Variants in RTN4RL1 observed in about 807,000 individuals in gnomAD.
RTN4RL1 encodes the protein reticulon 4 receptor like 1.
A neutral mutation model predicts 25.6 loss-of-function variants in RTN4RL1; 7 were observed. The observed-to-expected ratio is 0.27, with a 90% CI of 0.16 to 0.51. The LOEUF is 0.51. RTN4RL1 is among the 20% of genes least tolerant of loss of function. The pLI is 0.97. For synonymous variants in RTN4RL1, 297 were observed against 288.2 expected (o/e 1.03, Z -0.31); for missense variants, 500 against 615.6 (o/e 0.81, Z 1.99).
At chr17:2,006,842 T>C (rs752466141) in intron 1 of RTN4RL1, among the ~76,000 whole-genome samples, 7 of 152,006 alleles carry the variant, frequency 4.6e-5, no homozygotes, top group Non-Finnish European at 1.0e-4. Flanking sequence ...TGGCTGGTCT[T>C]GAACTCCTGG....
chr17:1,943,091 G>T (rs1404116885), intron 1 of RTN4RL1, among the ~76,000 whole-genome samples: 1 of 152,160 alleles, frequency 6.6e-6, no homozygotes, highest in African/African-American at 2.4e-5. Flanking sequence ...GCACTCTGCA[G>T]CTTCCCGGCC....
intron 1 of RTN4RL1, among the ~76,000 whole-genome samples, chr17:1,984,229 A>T (rs1184797425): frequency 6.6e-6 from 1 of 152,156 alleles, no homozygotes; most frequent in Non-Finnish European, 1.5e-5. Flanking sequence ...GGGCCTGTGG[A>T]TGCCTGAGGC....
chr17:1,992,064 T>A (rs538291595), intron 1 of RTN4RL1, among the ~76,000 whole-genome samples: 1 of 142,064 alleles, frequency 7.0e-6, no homozygotes, highest in South Asian at 2.2e-4. Flanking sequence ...TTGGACTGCA[T>A]GCAGAAAAAG....
intron 1 of RTN4RL1, among the ~76,000 whole-genome samples, chr17:1,956,554 CT>C (rs1401588280): frequency 6.6e-6 from 1 of 152,146 alleles, no homozygotes; most frequent in African/African-American, 2.4e-5. Flanking sequence ...TGTTTAGAGA[CT>C]GCAGAGTATC....
chr17:1,998,781 T>TG lies in RTN4RL1; in HGVS notation c.13+26071dup, dbSNP rs930356721. Among the ~76,000 whole-genome samples, 13 of 48,318 alleles carry TG rather than the reference T, an allele frequency of 2.7e-4. No individual in the cohort carries two copies. Among genetic ancestry groups the TG allele is most frequent in the Non-Finnish European group, 6.3e-4 (13 of 20,576 alleles). 31.7% of individuals were successfully genotyped at this position (48,318 alleles called of 152,430 possible). On this transcript the variant is annotated intron_variant, in intron 1 of 1. Transcript: ENST00000331238. The surrounding 1 kb of genome is among the most constrained non-coding windows in gnomAD (Gnocchi z 4.9). ...CCTCGCGCGCACGGGGACCCCGGGG[T>TG]GGGGGTGGGGGTGGGGCTCTGCGAG... is the stretch of plus-strand genomic sequence containing the variant.
chr17:1,962,236 G>C (rs2066768034), intron 1 of RTN4RL1, among the ~76,000 whole-genome samples: 3 of 149,212 alleles, frequency 2.0e-5, no homozygotes. Context: ...GCCATGGTGC[G>C]TTACTGCACT....
intron 1 of RTN4RL1, among the ~76,000 whole-genome samples, chr17:1,949,794 AC>A (rs1915637193): frequency 6.6e-6 from 1 of 152,222 alleles, no homozygotes; most frequent in South Asian, 2.1e-4. Context: ...AGTGCTGGGG[AC>A]AAAAAGGGTT....
At chr17:2,024,795 C>T in intron 1 of RTN4RL1, 58 bp downstream of exon 1, 3 of 1,527,886 alleles carry the variant, frequency 2.0e-6, no homozygotes, top group African/African-American at 1.4e-5. Context: ...GGCGCCCGGG[C>T]TCGCGGCTCT....
intron 1 of RTN4RL1, among the ~76,000 whole-genome samples, chr17:2,024,352 C>A (rs1388583730): frequency 2.0e-5 from 3 of 152,212 alleles, no homozygotes; most frequent in Non-Finnish European, 4.4e-5. Context: ...CAGAGCAGAA[C>A]TGCAGAGAAG....
chr17:1,961,528 G>A (rs1044017671), intron 1 of RTN4RL1, among the ~76,000 whole-genome samples: 2 of 151,966 alleles, frequency 1.3e-5, no homozygotes, highest in African/African-American at 2.4e-5. Context: ...GATACAACAC[G>A]TAAGGGACTG....
chr17:1,968,443 T>C (rs959131859), intron 1 of RTN4RL1, among the ~76,000 whole-genome samples: 1 of 152,200 alleles, frequency 6.6e-6, no homozygotes, highest in African/African-American at 2.4e-5. Context: ...TGCCTTTGCC[T>C]GGCCCCACTC....
intron 1 of RTN4RL1, among the ~76,000 whole-genome samples, chr17:1,950,262 C>T: frequency 6.6e-6 from 1 of 151,852 alleles, no homozygotes; most frequent in East Asian, 1.9e-4. Flanking sequence ...GGACAGATGC[C>T]AGGATGGGGC....
At chr17:2,024,418 C>T (rs1195236584) in intron 1 of RTN4RL1, among the ~76,000 whole-genome samples, 1 of 151,468 alleles carries the variant, frequency 6.6e-6, no homozygotes, top group Non-Finnish European at 1.5e-5. Flanking sequence ...GCGCCCGGGC[C>T]GCGCGGTCAC....
In RTN4RL1 at chr17:1,935,967, G is replaced by C; in HGVS notation, c.*529C>G. 1 of 985,892 alleles carries C rather than the reference G, an allele frequency of 1.0e-6. No homozygotes were observed. The highest frequency in any genetic ancestry group is 1.7e-5 in the African/African-American group (1 of 57,284). The allele number at this position is 985,892 out of a possible 1,614,324, so 61.1% of individuals were successfully genotyped here. On this transcript the variant is annotated 3_prime_UTR_variant, in exon 2 of 2. Coordinates refer to ENST00000331238, the MANE Select transcript of RTN4RL1 (RefSeq NM_178568.4). ...CGCTACCCCCGAGGGAGGGGCTGAAGGTGGAGTAGGATAGAATTCAGGGCA... is the reference window on the plus strand; with the variant it reads ...CGCTACCCCCGAGGGAGGGGCTGAACGTGGAGTAGGATAGAATTCAGGGCA...
At chr17:1,967,972 G>A (rs899569991) in intron 1 of RTN4RL1, among the ~76,000 whole-genome samples, 1 of 152,042 alleles carries the variant, frequency 6.6e-6, no homozygotes, top group Admixed American at 6.6e-5. Flanking sequence ...ACTGCCCTGA[G>A]GTCAAAGTCC....
At chr17:1,995,045 C>T (rs748500799) in intron 1 of RTN4RL1, among the ~76,000 whole-genome samples, 2 of 152,172 alleles carry the variant, frequency 1.3e-5, no homozygotes, top group Non-Finnish European at 2.9e-5. Flanking sequence ...TACAGGGGCC[C>T]TGGGACCATG....
At position 1,961,773 on chromosome 17, in the gene RTN4RL1, C is replaced by CAAAAAAAAAAAAAAAAAAA. The variant is rs1163170575; in HGVS notation, c.14-23984_14-23966dup. On this transcript the variant is annotated intron_variant, in intron 1 of 1. Transcript: ENST00000331238. ...TGAAACCCTGTCTCCACTAAAAATA[C>CAAAAAAAAAAAAAAAAAAA]AAAAAAAAAAAAAAAAAAAAAAAAA... 5.8e-4 allele frequency among the ~76,000 whole-genome samples: 32 copies of CAAAAAAAAAAAAAAAAAAA among 55,582 alleles called. 2 individuals are homozygous for CAAAAAAAAAAAAAAAAAAA. The highest frequency in any genetic ancestry group is 0.023 in the Middle Eastern group (1 of 44). The allele number at this position is 55,582 out of a possible 152,430, so 36.5% of individuals were successfully genotyped here. A position where few individuals can be genotyped will look rare whatever the true frequency, so the allele number is the denominator to read the frequency against.
chr17:1,952,376 G>A (rs367644998), intron 1 of RTN4RL1, among the ~76,000 whole-genome samples: 2 of 139,904 alleles, frequency 1.4e-5, no homozygotes, highest in African/African-American at 2.7e-5. Context: ...TCACTCTGTC[G>A]CCCAGGCTGG....
At chr17:1,966,961 A>T (rs77751093) in intron 1 of RTN4RL1, among the ~76,000 whole-genome samples, 2,887 of 151,712 alleles carry the variant, frequency 0.019, 78 homozygotes, top group African/African-American at 0.065. Context: ...ATCCTCACAC[A>T]TCCCTCCCAG....
Sources: gnomAD v4.1 joint callset for allele counts (sites outside exome capture counted in the v4.1 genomes callset) on GRCh38, gnomAD v4.1.1 for gene constraint, Gnocchi (gnomAD v3.1) non-coding constraint, MANE v1.5 for transcripts, NCBI Gene and HGNC (gene_info 2026-07-23, HGNC 2026-07-21) for gene names.